The following PDE7B variants were observed in gnomAD, a reference collection of about 807,000 sequenced individuals.
PDE7B encodes the protein 3',5'-cyclic-AMP phosphodiesterase 7B.
Under a neutral mutation model 56.2 loss-of-function variants are expected in PDE7B, and 29 were observed. The observed-to-expected ratio is 0.52, with a 90% CI of 0.38 to 0.70. The LOEUF (loss-of-function observed/expected upper bound fraction) is 0.70. Among genes scored for constraint, PDE7B ranks in the 30% least tolerant of loss-of-function variants. The pLI is 0.00. For missense variants in PDE7B, 490 were observed against 565.0 expected, an observed-to-expected ratio of 0.87 and a Z score of 1.35; for synonymous variants, 197 against 196.9, an observed-to-expected ratio of 1.00 and a Z score of 0.00.
At chr6:136,117,029 A>G (rs923860133) in intron 3 of PDE7B, 20 of 152,206 alleles carry the variant, frequency 1.3e-4, no homozygotes, top group Non-Finnish European at 2.4e-4. Context: ...ATTGAGTACA[A>G]AAGTGACTTG....
intron 1 of PDE7B, among the ~76,000 whole-genome samples, chr6:135,866,158 A>G (rs1160841416): frequency 6.6e-6 from 1 of 152,148 alleles, no homozygotes; most frequent in Non-Finnish European, 1.5e-5. Flanking sequence ...AAAAGTAAAA[A>G]TCTTCCTCTT....
intron 3 of PDE7B, 34 bp downstream of exon 3, chr6:136,108,848 C>A: frequency 2.4e-6 from 3 of 1,272,032 alleles, no homozygotes; most frequent in Non-Finnish European, 3.5e-6. Context: ...AAGGAACAAA[C>A]GTTTTCTTCA....
At chr6:136,103,588 T>C (rs1004282608) in intron 2 of PDE7B, among the ~76,000 whole-genome samples, 12 of 152,202 alleles carry the variant, frequency 7.9e-5, no homozygotes, top group African/African-American at 2.2e-4. Flanking sequence ...CTCAGCAAGC[T>C]CAGAGGAATA....
intron 1 of PDE7B, among the ~76,000 whole-genome samples, chr6:135,934,825 A>AAATAAATATATATATTTATT (rs1774372080): frequency 1.5e-5 from 1 of 68,904 alleles, no homozygotes; most frequent in African/African-American, 4.7e-5. Flanking sequence ...TATATATTTA[A>AAATAAATATATATATTTATT]TAAATAAATA....
At chr6:136,037,886 CTTTT>C in intron 2 of PDE7B, 1 of 933,566 alleles carries the variant, frequency 1.1e-6, no homozygotes. Flanking sequence ...ACCTCGATGG[CTTTT>C]TTTTTTCTCC....
chr6:136,170,549 C>T (rs1778862107), intron 8 of PDE7B, among the ~76,000 whole-genome samples: 1 of 152,180 alleles, frequency 6.6e-6, no homozygotes, highest in African/African-American at 2.4e-5. Context: ...TGAAATTATA[C>T]AGTGTCTCTC....
intron 2 of PDE7B, among the ~76,000 whole-genome samples, chr6:136,029,180 T>C (rs1295492586): frequency 1.3e-5 from 2 of 152,182 alleles, no homozygotes; most frequent in Non-Finnish European, 2.9e-5. Flanking sequence ...ATCCAGAATA[T>C]CATAACTTTT....
intron 1 of PDE7B, among the ~76,000 whole-genome samples, chr6:135,865,943 C>A (rs1775252258): frequency 6.6e-6 from 1 of 151,878 alleles, no homozygotes; most frequent in South Asian, 2.1e-4. Flanking sequence ...GTGAGGAAAA[C>A]ACATATAGTA....
Position 135,971,500 on chromosome 6 carries a change from A to G in PDE7B, c.82+23976A>G, listed in dbSNP as rs376092573. On this transcript the variant is annotated intron_variant, in intron 2 of 12. Transcript: ENST00000308191. ...GGAGTCAATTTTAATGATCAGGGGAAGGAGCTTTCCAGAAAGAGAGAGCAG... is the reference window on the plus strand; with the variant it reads ...GGAGTCAATTTTAATGATCAGGGGAGGGAGCTTTCCAGAAAGAGAGAGCAG... Among the ~76,000 whole-genome samples the G allele has an allele frequency of 9.2e-5, 14 of 152,316 alleles. 1 individual carries two copies. The highest frequency in any genetic ancestry group is 5.2e-4 in the Admixed American group (8 of 15,292).
At chr6:136,085,383 TTG>T (rs1777275435) in intron 2 of PDE7B, among the ~76,000 whole-genome samples, 1 of 152,234 alleles carries the variant, frequency 6.6e-6, no homozygotes, top group Admixed American at 6.5e-5. Flanking sequence ...ATATTCTATT[TTG>T]TGTCTTGACT....
At chr6:135,895,454 C>G (rs1775882283) in intron 1 of PDE7B, among the ~76,000 whole-genome samples, 1 of 152,096 alleles carries the variant, frequency 6.6e-6, no homozygotes, top group South Asian at 2.1e-4. Flanking sequence ...CCTGACCTCT[C>G]TCTGATAGCT....
chr6:135,983,027 T>C (rs1005332499), intron 2 of PDE7B, among the ~76,000 whole-genome samples: 1 of 152,222 alleles, frequency 6.6e-6, no homozygotes, highest in African/African-American at 2.4e-5. Context: ...GTCTAATCCA[T>C]GAGTATTCAA....
chr6:135,878,953 T>C (rs564990390), intron 1 of PDE7B, among the ~76,000 whole-genome samples: 1 of 152,282 alleles, frequency 6.6e-6, no homozygotes, highest in Non-Finnish European at 1.5e-5. Flanking sequence ...CACTAGCCCT[T>C]TGTCATATAT....
At chr6:135,974,456 A>C (rs934473784) in intron 2 of PDE7B, among the ~76,000 whole-genome samples, 4 of 152,176 alleles carry the variant, frequency 2.6e-5, no homozygotes, top group African/African-American at 9.7e-5. Context: ...AGCCAATTAC[A>C]GTAGAAAATT....
rs1173581239 is a variant in PDE7B at position 135,931,933 on chromosome 6, G to A, written c.22-15531G>A. ...AGATTTTTAAAACTTTTTTGTTACCGCGCACACACACACGCGCGCGCACAC... is the reference window on the plus strand; with the variant it reads ...AGATTTTTAAAACTTTTTTGTTACCACGCACACACACACGCGCGCGCACAC... On this transcript the variant is annotated intron_variant, in intron 1 of 12. Coordinates refer to ENST00000308191, the MANE Select transcript of PDE7B (RefSeq NM_018945.4). Among the ~76,000 whole-genome samples the A allele has an allele frequency of 1.2e-4, 14 of 118,774 alleles. No individual in the cohort carries two copies. The East Asian group carries it at 2.8e-3, about 23-fold the overall frequency. 77.9% of individuals were successfully genotyped at this position (118,774 alleles called of 152,430 possible).
intron 1 of PDE7B, among the ~76,000 whole-genome samples, chr6:135,916,634 A>C (rs921965739): frequency 3.3e-5 from 5 of 150,494 alleles, no homozygotes; most frequent in East Asian, 3.9e-4. Flanking sequence ...CCCATGATCC[A>C]CCTGCCTCAG....
At chr6:136,053,166 A>G (rs959641317) in intron 2 of PDE7B, among the ~76,000 whole-genome samples, 1 of 150,240 alleles carries the variant, frequency 6.7e-6, no homozygotes, top group African/African-American at 2.4e-5. Context: ...CCATTAACTC[A>G]TCATTTAGCA....
At chr6:135,893,071 C>CT (rs1466583493) in intron 1 of PDE7B, among the ~76,000 whole-genome samples, 4 of 151,910 alleles carry the variant, frequency 2.6e-5, no homozygotes, top group Non-Finnish European at 5.9e-5. Context: ...ATAGGAGCCT[C>CT]TTTTTTTTAA....
At chr6:136,168,957 G>A (rs529360570) in intron 8 of PDE7B, among the ~76,000 whole-genome samples, 1 of 152,182 alleles carries the variant, frequency 6.6e-6, no homozygotes, top group African/African-American at 2.4e-5. Context: ...GTAAATTTCA[G>A]GCTTCTGATG....
Sources: allele counts gnomAD v4.1 joint callset (sites outside exome capture counted in the v4.1 genomes callset), GRCh38; gene constraint gnomAD v4.1.1; transcripts MANE v1.5; gene names NCBI Gene and HGNC (gene_info 2026-07-23, HGNC 2026-07-21).